DCTN5: variants seen among roughly 807,000 people sequenced by gnomAD.
The protein encoded by DCTN5 is dynactin subunit 5.
Under a neutral mutation model 23.5 loss-of-function variants are expected in DCTN5, and 14 were observed. That is an observed-to-expected ratio of 0.60 (90% CI 0.39 to 0.93). The LOEUF (loss-of-function observed/expected upper bound fraction) is 0.93. Among genes scored for constraint, DCTN5 ranks in the 40% least tolerant of loss-of-function variants. The probability of loss-of-function intolerance (pLI) is 0.00; values close to 1 mark genes in which losing one functional copy is unlikely to be tolerated. For missense variants in DCTN5, 156 were observed against 225.9 expected (o/e 0.69, Z 1.98); for synonymous variants, 67 against 79.6 (o/e 0.84, Z 0.84).
rs747258575 is a variant in DCTN5 at position 23,658,489 on chromosome 16, A to G, written c.118-18A>G. 1.4e-5 allele frequency: 22 copies of G among 1,591,432 alleles called. No homozygotes were observed. Among genetic ancestry groups the G allele is most frequent in the Non-Finnish European group, 1.9e-5 (22 of 1,159,762 alleles). The stretch of plus-strand genomic sequence containing the variant: ...TAGGCTATGTTGCTAATTTTTTAAA[A>G]TTTGCTTCGTCTTACAGACCATTGT... On this transcript the variant is annotated intron_variant, in intron 2 of 5. Coordinates refer to ENST00000300087, the MANE Select transcript of DCTN5 (RefSeq NM_032486.4).
intron 4 of DCTN5, among the ~76,000 whole-genome samples, chr16:23,662,768 G>T (rs1967837917): frequency 6.6e-6 from 1 of 152,150 alleles, no homozygotes; most frequent in Non-Finnish European, 1.5e-5. Context: ...TCCAGCTGGG[G>T]GTTTCTGATA....
rs563569861 is a variant in DCTN5, at chr16:23,657,634, G to A, written c.118-873G>A. ...AATTTTTGTATTTTTAGTAGAGATG[G>A]GGTTTCACCATGTTGGCCAGCCTGG... is the stretch of plus-strand genomic sequence containing the variant. On this transcript the variant is annotated intron_variant, in intron 2 of 5. Coordinates refer to ENST00000300087, the MANE Select transcript of DCTN5 (RefSeq NM_032486.4). 89 of 261,078 alleles carry A rather than the reference G, an allele frequency of 3.4e-4. 1 individual carries two copies. The highest frequency in any genetic ancestry group is 9.0e-4 in the Admixed American group (17 of 18,962). 16.2% of individuals were successfully genotyped at this position (261,078 alleles called of 1,614,324 possible).
chr16:23,644,137 T>A (rs1234956043), intron 2 of DCTN5, among the ~76,000 whole-genome samples: 1 of 151,794 alleles, frequency 6.6e-6, no homozygotes, highest in Non-Finnish European at 1.5e-5. Flanking sequence ...TTTTTTTTCC[T>A]TTTTTGTTGA....
chr16:23,651,056 G>A, intron 2 of DCTN5: 1 of 1,372,928 alleles, frequency 7.3e-7, no homozygotes, highest in Non-Finnish European at 9.4e-7. Context: ...AATTTTAAAT[G>A]ATTTGTTAAA....
intron 2 of DCTN5, among the ~76,000 whole-genome samples, chr16:23,646,801 C>G (rs1967470243): frequency 6.6e-6 from 1 of 152,126 alleles, no homozygotes; most frequent in Non-Finnish European, 1.5e-5. Flanking sequence ...GTCTCAAACT[C>G]CCGACCTCAG....
intron 2 of DCTN5, chr16:23,650,656 A>C: frequency 8.6e-7 from 1 of 1,166,402 alleles, no homozygotes; most frequent in Admixed American, 2.1e-5. Flanking sequence ...TGCTGTGTAC[A>C]ATTCCACTTA....
chr16:23,646,441 T>C (rs973134419), intron 2 of DCTN5, among the ~76,000 whole-genome samples: 5 of 152,238 alleles, frequency 3.3e-5, no homozygotes, highest in African/African-American at 1.2e-4. Flanking sequence ...ATCTGTTTTT[T>C]CTTCTGTTGC....
intron 2 of DCTN5, among the ~76,000 whole-genome samples, chr16:23,657,888 A>T (rs1597121009): frequency 6.6e-6 from 1 of 152,202 alleles, no homozygotes; most frequent in Non-Finnish European, 1.5e-5. Context: ...ACTCCAGCAT[A>T]TGCACTTTTT....
At chr16:23,647,414 A>G (rs1407947158) in intron 2 of DCTN5, among the ~76,000 whole-genome samples, 1 of 151,726 alleles carries the variant, frequency 6.6e-6, no homozygotes, top group African/African-American at 2.4e-5. Flanking sequence ...TCGGCCTACT[A>G]TAATAAGTTT....
At chr16:23,657,445 GACC>G in intron 2 of DCTN5, 1 of 432,906 alleles carries the variant, frequency 2.3e-6, no homozygotes, top group Non-Finnish European at 4.6e-6. Context: ...AACAGAGTGA[GACC>G]CTGTGTCTTA....
chr16:23,648,112 A>G (rs1385331489), intron 2 of DCTN5, among the ~76,000 whole-genome samples: 1 of 151,868 alleles, frequency 6.6e-6, no homozygotes, highest in East Asian at 1.9e-4. Flanking sequence ...GTTTCCTGTG[A>G]TTTATTTTTA....
chr16:23,652,362 G>C (rs1248164823), intron 2 of DCTN5, among the ~76,000 whole-genome samples: 1 of 152,020 alleles, frequency 6.6e-6, no homozygotes, highest in East Asian at 1.9e-4. Flanking sequence ...AATTTAATTG[G>C]TAATCCTCAT....
chr16:23,654,733 C>T (rs1967668450), intron 2 of DCTN5, among the ~76,000 whole-genome samples: 1 of 152,156 alleles, frequency 6.6e-6, no homozygotes, highest in Non-Finnish European at 1.5e-5. Flanking sequence ...TATATTTGTG[C>T]CCATTAATTA....
chr16:23,644,387 G>A (rs1967377958), intron 2 of DCTN5, among the ~76,000 whole-genome samples: 3 of 144,148 alleles, frequency 2.1e-5, no homozygotes, highest in African/African-American at 7.8e-5. Flanking sequence ...TGTAAGCTCC[G>A]CCTCCCAGGC....
chr16:23,648,944 G>C (rs893169392), intron 2 of DCTN5, among the ~76,000 whole-genome samples: 1 of 151,946 alleles, frequency 6.6e-6, no homozygotes, highest in Admixed American at 6.6e-5. Flanking sequence ...TGCAACCTCT[G>C]CCTCCCGGGT....
At chr16:23,653,747 T>TAATA (rs1200119794) in intron 2 of DCTN5, among the ~76,000 whole-genome samples, 1 of 152,128 alleles carries the variant, frequency 6.6e-6, no homozygotes, top group Non-Finnish European at 1.5e-5. Flanking sequence ...AAGAAACTAT[T>TAATA]AACAGGGTAA....
Position 23,667,946 on chromosome 16 carries a change from T to G in DCTN5, c.*802T>G, listed in dbSNP as rs1433383700. 6.6e-6 allele frequency: 1 copy of G among 152,232 alleles called. No homozygotes were observed. Among genetic ancestry groups the G allele is most frequent in the African/African-American group, 2.4e-5 (1 of 41,452 alleles). The allele number at this position is 152,232 out of a possible 1,614,324, so 9.4% of individuals were successfully genotyped here. ...TTGAAGACACCGCATTTGTGAACTCTTGCTTCCTGGCCTAGAACCATTCAG... is the reference window on the plus strand; with the variant it reads ...TTGAAGACACCGCATTTGTGAACTCGTGCTTCCTGGCCTAGAACCATTCAG... On this transcript the variant is annotated 3_prime_UTR_variant, in exon 6 of 6. Coordinates refer to ENST00000300087, the MANE Select transcript of DCTN5 (RefSeq NM_032486.4).
chr16:23,645,080 T>TTACC, intron 2 of DCTN5, among the ~76,000 whole-genome samples: 1 of 77,152 alleles, frequency 1.3e-5, no homozygotes, highest in African/African-American at 5.0e-5. Flanking sequence ...GCACCCAGCC[T>TTACC]AACTATATAT....
rs534003611 is a variant in DCTN5 at position 23,655,862 on chromosome 16, A to T, written c.118-2645A>T. ...TCCCGGCTGGATGGTATTTTAAAAC[A>T]AATTGCAAATGTCATATTATTTCAC... is the stretch of plus-strand genomic sequence containing the variant. On this transcript the variant is annotated intron_variant, in intron 2 of 5. Coordinates refer to ENST00000300087, the MANE Select transcript of DCTN5 (RefSeq NM_032486.4). 5.5e-4 allele frequency among the ~76,000 whole-genome samples: 84 copies of T among 152,284 alleles called. 1 individual carries two copies. In the South Asian group the frequency reaches 0.015, roughly 27 times the overall value.
Sources: gnomAD v4.1 joint callset for allele counts (sites outside exome capture counted in the v4.1 genomes callset) on GRCh38, gnomAD v4.1.1 for gene constraint, MANE v1.5 for transcripts, NCBI Gene and HGNC (gene_info 2026-07-23, HGNC 2026-07-21) for gene names.